ADAM23: variants seen among roughly 807,000 people sequenced by gnomAD.
The protein encoded by ADAM23 is disintegrin and metalloproteinase domain-containing protein 23.
In ADAM23, 33 loss-of-function variants were observed where a neutral mutation model predicts 120.1. The ratio of observed to expected loss-of-function variants is 0.27; its 90% CI spans 0.21 to 0.37. The LOEUF (loss-of-function observed/expected upper bound fraction) is 0.37, where lower values mean the gene tolerates loss of function less well. Among genes scored for constraint, ADAM23 ranks in the 10% least tolerant of loss-of-function variants. The pLI is 1.00. For missense variants in ADAM23, 862 were observed against 1,058.2 expected (o/e 0.81, Z 2.57); for synonymous variants, 367 against 375.2 (o/e 0.98, Z 0.25).
intron 3 of ADAM23, among the ~76,000 whole-genome samples, chr2:206,487,719 A>G (rs1696043730): frequency 6.6e-6 from 1 of 152,248 alleles, no homozygotes. Context: ...AGAGGAAAGA[A>G]TTCTTAGGAT....
chr2:206,465,241 C>T (rs967532393), intron 2 of ADAM23, among the ~76,000 whole-genome samples: 16 of 152,162 alleles, frequency 1.1e-4, no homozygotes, highest in African/African-American at 3.9e-4. Context: ...GGTCTTACTG[C>T]GTTGACCAGC....
At chr2:206,562,382 A>G in intron 13 of ADAM23, 89 bp downstream of exon 13, 1 of 933,900 alleles carries the variant, frequency 1.1e-6, no homozygotes, top group Non-Finnish European at 1.6e-6. Flanking sequence ...TTTTCATTCC[A>G]GTCATTATAG....
intron 24 of ADAM23, among the ~76,000 whole-genome samples, chr2:206,606,925 C>A (rs1234355060): frequency 6.6e-6 from 1 of 152,170 alleles, no homozygotes; most frequent in Non-Finnish European, 1.5e-5. Flanking sequence ...ATCTTTGACT[C>A]ACCCATCCCA....
chr2:206,456,700 C>T (rs112983853), intron 2 of ADAM23, among the ~76,000 whole-genome samples: 17 of 152,148 alleles, frequency 1.1e-4, no homozygotes, highest in African/African-American at 3.9e-4. Context: ...AAAAAAAAAT[C>T]TTAGATGGTA....
chr2:206,527,902 T>A (rs1485320374), intron 3 of ADAM23, among the ~76,000 whole-genome samples: 1 of 152,162 alleles, frequency 6.6e-6, no homozygotes, highest in Non-Finnish European at 1.5e-5. Flanking sequence ...ATAGACCTCC[T>A]GAAAAGTAGC....
intron 2 of ADAM23, among the ~76,000 whole-genome samples, chr2:206,478,394 G>A (rs1695826945): frequency 6.6e-6 from 1 of 152,004 alleles, no homozygotes; most frequent in African/African-American, 2.4e-5. Flanking sequence ...TACTGATAAA[G>A]GTAATAAAAT....
chr2:206,484,859 G>C (rs1695978141), intron 3 of ADAM23, among the ~76,000 whole-genome samples: 1 of 152,116 alleles, frequency 6.6e-6, no homozygotes, highest in South Asian at 2.1e-4. Context: ...TTCCCCTGCT[G>C]TTCTTGTGAT....
chr2:206,445,472 G>A lies in ADAM23; in HGVS notation c.380G>A (p.Ser127Asn). 6.2e-7 allele frequency: 1 copy of A among 1,614,122 alleles called. No individual in the cohort carries two copies. Among genetic ancestry groups the A allele is most frequent in the Non-Finnish European group, 8.5e-7 (1 of 1,180,002 alleles). ...LIYYINQDSESPYHVLDTKAR... is the reference protein window; with the variant it reads ...LIYYINQDSENPYHVLDTKAR... ...TATTACATCAACCAAGACTCGGAAAGCCCTTATCACGTTCTTGACACAAAG... is the reference window on the plus strand; with the variant it reads ...TATTACATCAACCAAGACTCGGAAAACCCTTATCACGTTCTTGACACAAAG... Residue 127 changes from serine (S) to asparagine (N), a missense_variant, in exon 2 of 26, where the codon AGC (serine) becomes AAC (asparagine). Physicochemically the swap from Ser to Asn is conservative, Grantham distance 46. Coordinates refer to ENST00000264377, the MANE Select transcript of ADAM23 (RefSeq NM_003812.4).
chr2:206,517,988 A>G (rs926013486), intron 3 of ADAM23, among the ~76,000 whole-genome samples: 11 of 152,166 alleles, frequency 7.2e-5, no homozygotes, highest in Non-Finnish European at 1.5e-4. Context: ...GAATCTTACA[A>G]AGGTTTTGCT....
rs144341444 is a variant in ADAM23 at position 206,507,745 on chromosome 2, A to C, written c.510-23140A>C. Among the ~76,000 whole-genome samples the C allele has an allele frequency of 4.7e-4, 72 of 152,328 alleles. 1 individual carries two copies. In the East Asian group the frequency reaches 0.013, roughly 27 times the overall value. On this transcript the variant is annotated intron_variant, in intron 3 of 25. Coordinates refer to ENST00000264377, the MANE Select transcript of ADAM23 (RefSeq NM_003812.4). ...TTGTGTATTTTTAAGCCGTAGTCTA[A>C]TACTTTTGTTTGGTCTCACTGATAT...
intron 3 of ADAM23, among the ~76,000 whole-genome samples, chr2:206,489,326 C>A (rs916629544): frequency 3.9e-5 from 6 of 152,166 alleles, no homozygotes; most frequent in African/African-American, 1.4e-4. Flanking sequence ...GCTGTCATTT[C>A]TCTTACACAT....
At chr2:206,478,445 C>T (rs1695828497) in intron 2 of ADAM23, among the ~76,000 whole-genome samples, 2 of 151,764 alleles carry the variant, frequency 1.3e-5, no homozygotes, top group South Asian at 2.1e-4. Context: ...TATCTTGTTG[C>T]TGGCATGATA....
intron 2 of ADAM23, among the ~76,000 whole-genome samples, chr2:206,459,962 C>G (rs1458634589): frequency 6.6e-6 from 1 of 152,198 alleles, no homozygotes; most frequent in African/African-American, 2.4e-5. Context: ...ATCTTCTTCT[C>G]TTCTCCCTGA....
chr2:206,472,941 G>A (rs1034010636), intron 2 of ADAM23, among the ~76,000 whole-genome samples: 7 of 152,130 alleles, frequency 4.6e-5, no homozygotes, highest in African/African-American at 1.7e-4. Context: ...CTTTGTTGAT[G>A]CTTTGGTCTT....
rs570238413 is a variant in ADAM23, at chr2:206,564,913, A to G, written c.1346-107A>G. ...CACATTCCGTGTCTATTTGACTGAC[A>G]TGGAATTGGTAATAAAGAATTATTG... is the stretch of plus-strand genomic sequence containing the variant. On this transcript the variant is annotated intron_variant, in intron 13 of 25. Coordinates refer to ENST00000264377, the MANE Select transcript of ADAM23 (RefSeq NM_003812.4). 3.7e-5 allele frequency: 45 copies of G among 1,213,304 alleles called. No homozygotes were observed. In the East Asian group the frequency reaches 9.9e-4, roughly 27 times the overall value. 75.2% of individuals were successfully genotyped at this position (1,213,304 alleles called of 1,614,324 possible).
intron 3 of ADAM23, among the ~76,000 whole-genome samples, chr2:206,524,581 C>T (rs757176107): frequency 1.5e-4 from 23 of 152,228 alleles, no homozygotes; most frequent in Non-Finnish European, 2.5e-4. Context: ...TTCCACCTGG[C>T]TAGGGAGGCC....
At chr2:206,517,418 C>G (rs1488375892) in intron 3 of ADAM23, among the ~76,000 whole-genome samples, 1 of 152,116 alleles carries the variant, frequency 6.6e-6, no homozygotes, top group Non-Finnish European at 1.5e-5. Context: ...GGTGTGCCAT[C>G]TTGTTTTTTT....
Position 206,592,549 on chromosome 2 carries a change from G to T in ADAM23, c.1959-68G>T, listed in dbSNP as rs182079178. On this transcript the variant is annotated intron_variant, in intron 21 of 25. Coordinates refer to ENST00000264377, the MANE Select transcript of ADAM23 (RefSeq NM_003812.4). ...TTAAAAATTTGAATCAATGTGGACC[G>T]AATCGTTTTGATTTTTTGAGCTTGA... The T allele has an allele frequency of 8.3e-6, 13 of 1,559,920 alleles. No homozygotes were observed. In the Admixed American group the frequency reaches 2.4e-4, roughly 28 times the overall value.
At chr2:206,606,546 A>G (rs1698731787) in intron 24 of ADAM23, 1 of 152,234 alleles carries the variant, frequency 6.6e-6, no homozygotes, top group Non-Finnish European at 1.5e-5. Context: ...ATAAGTGAAC[A>G]GCTGCAAATC....
Sources: gnomAD v4.1 joint callset for allele counts (sites outside exome capture counted in the v4.1 genomes callset) on GRCh38, gnomAD v4.1.1 for gene constraint, MANE v1.5 for transcripts, NCBI Gene and HGNC (gene_info 2026-07-23, HGNC 2026-07-21) for gene names.